Variants in MIPEP observed in about 807,000 individuals in gnomAD.
MIPEP encodes mitochondrial intermediate peptidase.
A neutral mutation model predicts 90.3 loss-of-function variants in MIPEP; 79 were observed. The ratio of observed to expected loss-of-function variants is 0.87; its 90% confidence interval spans 0.73 to 1.05. MIPEP has a LOEUF of 1.05. Ranked by LOEUF, MIPEP falls within the 50% of genes least tolerant of loss-of-function variation. MIPEP has a pLI of 0.00. For missense variants in MIPEP, 940 were observed against 905.6 expected, an observed-to-expected ratio of 1.04 and a Z score of -0.49; for synonymous variants, 334 against 315.8, an observed-to-expected ratio of 1.06 and a Z score of -0.61.
At chr13:23,848,080 TG>T (rs1170024826) in intron 10 of MIPEP, among the ~76,000 whole-genome samples, 1 of 152,230 alleles carries the variant, frequency 6.6e-6, no homozygotes, top group African/African-American at 2.4e-5. Flanking sequence ...TATTTCTCAT[TG>T]GTTCCATGCT....
intron 16 of MIPEP, among the ~76,000 whole-genome samples, chr13:23,761,656 C>A (rs369317659): frequency 1.3e-5 from 2 of 152,170 alleles, no homozygotes; most frequent in African/African-American, 2.4e-5. Context: ...GCACGGCACA[C>A]GAGCTTGCGA....
intron 5 of MIPEP, among the ~76,000 whole-genome samples, chr13:23,873,105 T>C (rs975413905): frequency 1.3e-5 from 2 of 152,152 alleles, no homozygotes; most frequent in African/African-American, 4.8e-5. Flanking sequence ...AATACAAAAT[T>C]CCACCTGGGG....
chr13:23,784,370 A>T (rs1325934985), intron 16 of MIPEP, among the ~76,000 whole-genome samples: 2 of 152,228 alleles, frequency 1.3e-5, no homozygotes. Flanking sequence ...CAAACCTGAC[A>T]AAAACAAGAA....
intron 7 of MIPEP, among the ~76,000 whole-genome samples, chr13:23,865,141 C>T (rs548189444): frequency 2.6e-5 from 4 of 152,254 alleles, no homozygotes; most frequent in African/African-American, 7.2e-5. Context: ...GAATTATCAC[C>T]GTTTCCCACA....
rs1180124353 is a variant in MIPEP, at chr13:23,740,223, CT to C, written c.2045-9779del. On this transcript the variant is annotated intron_variant, in intron 18 of 18. Transcript: ENST00000382172. ...CGGTGGGCCAACAAATGAGGAAGCT[CT>C]CCCTGCCCCTGGCTCAGCCAGTGAG... is the stretch of plus-strand genomic sequence containing the variant. Among the ~76,000 whole-genome samples, 8 of 152,192 alleles carry C rather than the reference CT, an allele frequency of 5.3e-5. No homozygotes were observed. The East Asian group carries it at 1.5e-3, about 29-fold the overall frequency.
At chr13:23,790,026 T>G (rs2137374921) in intron 16 of MIPEP, among the ~76,000 whole-genome samples, 1 of 152,308 alleles carries the variant, frequency 6.6e-6, no homozygotes, top group South Asian at 2.1e-4. Context: ...ACCTTTTTAT[T>G]CTAAAAGAAA....
intron 16 of MIPEP, among the ~76,000 whole-genome samples, chr13:23,783,150 C>A (rs950628119): frequency 6.6e-6 from 1 of 152,058 alleles, no homozygotes; most frequent in African/African-American, 2.4e-5. Flanking sequence ...AGAGACACAA[C>A]CGAAAAAGAG....
chr13:23,837,404 G>A, intron 13 of MIPEP, 148 bp downstream of exon 13: 1 of 594,220 alleles, frequency 1.7e-6, no homozygotes, highest in East Asian at 2.7e-5. Flanking sequence ...CACAACCATG[G>A]GGAGGGCAGG....
At chr13:23,738,095 T>C (rs1274120064) in intron 18 of MIPEP, among the ~76,000 whole-genome samples, 1 of 152,162 alleles carries the variant, frequency 6.6e-6, no homozygotes, top group Non-Finnish European at 1.5e-5. Context: ...TTCCATTCAT[T>C]CATCCATTCT....
chr13:23,738,087 C>CCAAT (rs1244473088), intron 18 of MIPEP, among the ~76,000 whole-genome samples: 1 of 152,054 alleles, frequency 6.6e-6, no homozygotes, highest in Non-Finnish European at 1.5e-5. Context: ...AGAGTTTTTT[C>CCAAT]CATTCATTCA....
chr13:23,843,828 G>A (rs1869413491), intron 10 of MIPEP, among the ~76,000 whole-genome samples: 1 of 152,184 alleles, frequency 6.6e-6, no homozygotes, highest in Non-Finnish European at 1.5e-5. Context: ...GTGAGTGATT[G>A]GATTTGGAGG....
intron 4 of MIPEP, 135 bp from the exon 5 acceptor site, chr13:23,875,044 A>ACACACACACACACACACACC: frequency 1.9e-6 from 1 of 538,132 alleles, no homozygotes; most frequent in African/African-American, 2.0e-5. Flanking sequence ...ACACACACAC[A>ACACACACACACACACACACC]CACACACACA....
At chr13:23,746,451 T>C (rs1160735438) in intron 18 of MIPEP, among the ~76,000 whole-genome samples, 3 of 151,706 alleles carry the variant, frequency 2.0e-5, no homozygotes, top group East Asian at 4.0e-4. Context: ...CTGGCCAACA[T>C]GGCAAAACCC....
At chr13:23,782,671 G>GT (rs1169343767) in intron 16 of MIPEP, among the ~76,000 whole-genome samples, 1 of 152,078 alleles carries the variant, frequency 6.6e-6, no homozygotes, top group Non-Finnish European at 1.5e-5. Flanking sequence ...CCAGGAGCTG[G>GT]TTTTTTGAAA....
intron 5 of MIPEP, among the ~76,000 whole-genome samples, chr13:23,872,913 C>A (rs1870893178): frequency 6.6e-6 from 1 of 152,160 alleles, no homozygotes; most frequent in African/African-American, 2.4e-5. Flanking sequence ...CATGATTTGT[C>A]ATACATTCAC....
chr13:23,866,513 C>T (rs1053946019), intron 7 of MIPEP, among the ~76,000 whole-genome samples: 5 of 152,170 alleles, frequency 3.3e-5, no homozygotes, highest in Non-Finnish European at 5.9e-5. Context: ...GCCCTCCTCA[C>T]ATCTGACCTG....
chr13:23,746,400 G>A (rs924797074), intron 18 of MIPEP, among the ~76,000 whole-genome samples: 2 of 151,816 alleles, frequency 1.3e-5, no homozygotes, highest in Non-Finnish European at 2.9e-5. Context: ...TTGGGAGGCT[G>A]GGGCAGGTGA....
intron 16 of MIPEP, among the ~76,000 whole-genome samples, chr13:23,795,209 GA>G (rs113249630): frequency 1.1e-4 from 16 of 143,132 alleles, no homozygotes; most frequent in East Asian, 2.0e-4. Flanking sequence ...CCAGGGCGAA[GA>G]AAAAAAAAAA....
intron 14 of MIPEP, among the ~76,000 whole-genome samples, chr13:23,827,057 G>T (rs1868487390): frequency 6.6e-6 from 1 of 152,184 alleles, no homozygotes; most frequent in Non-Finnish European, 1.5e-5. Context: ...GATGTACACA[G>T]GTTAAATGCA....
Sources: gnomAD v4.1 joint callset for allele counts (sites outside exome capture counted in the v4.1 genomes callset) on GRCh38, gnomAD v4.1.1 for gene constraint, MANE v1.5 for transcripts, NCBI Gene and HGNC (gene_info 2026-07-23, HGNC 2026-07-21) for gene names.